IL1RAPL2: variants seen among roughly 807,000 people sequenced by gnomAD.
IL1RAPL2 encodes interleukin 1 receptor accessory protein like 2, also known as X-linked interleukin-1 receptor accessory protein-like 2.
IL1RAPL2 carries 3 observed loss-of-function variants against 44.1 expected under a neutral mutation model. That is an observed-to-expected ratio of 0.07 (90% CI 0.03 to 0.18). The LOEUF (loss-of-function observed/expected upper bound fraction) is 0.18, where lower values mean the gene tolerates loss of function less well. Ranked by LOEUF, IL1RAPL2 falls within the 10% of genes least tolerant of loss-of-function variation. The probability of loss-of-function intolerance (pLI) is 1.00; values close to 1 mark genes in which losing one functional copy is unlikely to be tolerated. For missense variants in IL1RAPL2, 391 were observed against 496.4 expected (o/e 0.79, Z 2.02); for synonymous variants, 181 against 178.8 (o/e 1.01, Z -0.10).
At chrX:104,737,618 C>A (rs146498924) in intron 2 of IL1RAPL2, among the ~76,000 whole-genome samples, 1 of 111,676 alleles carries the variant, frequency 9.0e-6, no homozygotes, top group Non-Finnish European at 1.9e-5. Context: ...CAGTTACTGC[C>A]CATGTTGCTC....
At chrX:105,462,878 G>A (rs931273833) in intron 5 of IL1RAPL2, among the ~76,000 whole-genome samples, 8 of 110,417 alleles carry the variant, frequency 7.2e-5, no homozygotes, top group Non-Finnish European at 1.3e-4. Flanking sequence ...CTCATCTTTG[G>A]TTCAAATCCC....
At chrX:105,590,424 G>A (rs2037160138) in intron 6 of IL1RAPL2, among the ~76,000 whole-genome samples, 2 of 110,810 alleles carry the variant, frequency 1.8e-5, no homozygotes, top group South Asian at 3.8e-4. Context: ...TGAGTGCTTA[G>A]AGAGGGCATC....
intron 9 of IL1RAPL2, among the ~76,000 whole-genome samples, chrX:105,753,476 G>T (rs1462118615): frequency 9.0e-6 from 1 of 111,384 alleles, no homozygotes; most frequent in Non-Finnish European, 1.9e-5. Context: ...TTCCAGCTGT[G>T]TATCATCGGC....
In IL1RAPL2 at chrX:105,075,357, T is replaced by A. The variant is rs186974963; in HGVS notation, c.83-120118T>A. 1.1e-3 allele frequency among the ~76,000 whole-genome samples: 128 copies of A among 111,935 alleles called. 2 individuals are homozygous for A. Among genetic ancestry groups the A allele is most frequent in the African/African-American group, 4.0e-3 (123 of 30,784 alleles). ...GCTGGATTATGTTTATTGTTTTGCA[T>A]ATGTTGAACCAGCCTTGCATCCCAG... On this transcript the variant is annotated intron_variant, in intron 2 of 10. Coordinates refer to ENST00000372582, the MANE Select transcript of IL1RAPL2 (RefSeq NM_017416.2).
chrX:105,606,749 A>G (rs1488621218), intron 6 of IL1RAPL2, among the ~76,000 whole-genome samples: 1 of 111,697 alleles, frequency 9.0e-6, no homozygotes. Flanking sequence ...TTGCGGCTAC[A>G]TGGATGTAAC....
chrX:105,246,146 T>C (rs1335822574), intron 4 of IL1RAPL2, among the ~76,000 whole-genome samples: 1 of 112,317 alleles, frequency 8.9e-6, no homozygotes. Context: ...ACTACATCAA[T>C]TGAAATATCT....
chrX:105,487,201 T>A (rs746464451), intron 6 of IL1RAPL2, among the ~76,000 whole-genome samples: 4 of 111,209 alleles, frequency 3.6e-5, no homozygotes, highest in Admixed American at 2.9e-4. Flanking sequence ...TCCTCTGCTA[T>A]TAGGCACACA....
At chrX:105,644,239 G>A (rs2037589533) in intron 6 of IL1RAPL2, among the ~76,000 whole-genome samples, 1 of 111,137 alleles carries the variant, frequency 9.0e-6, no homozygotes, top group Non-Finnish European at 1.9e-5. Flanking sequence ...TTGGGTTTTG[G>A]TGTTTATTTT....
intron 2 of IL1RAPL2, among the ~76,000 whole-genome samples, chrX:104,789,408 G>A (rs751340922): frequency 6.3e-5 from 7 of 111,568 alleles, no homozygotes; most frequent in Admixed American, 9.5e-5. Context: ...GTTTTCTGTG[G>A]AAATATAAAT....
rs377213306 is a variant in IL1RAPL2 at position 104,862,607 on chromosome X, A to C, written c.82+203612A>C. 6.3e-5 allele frequency among the ~76,000 whole-genome samples: 7 copies of C among 111,645 alleles called. No individual in the cohort carries two copies. The East Asian group carries it at 2.0e-3, about 32-fold the overall frequency. On this transcript the variant is annotated intron_variant, in intron 2 of 10. Coordinates refer to ENST00000372582, the MANE Select transcript of IL1RAPL2 (RefSeq NM_017416.2). Reference sequence around the variant, plus strand: ...CACTGATCTCAGATTTCTATCCTCCAGAGCTATGAGAAAATAATTTTCTGT... The same window carrying C: ...CACTGATCTCAGATTTCTATCCTCCCGAGCTATGAGAAAATAATTTTCTGT...
chrX:104,605,905 T>C (rs960873388), intron 1 of IL1RAPL2, among the ~76,000 whole-genome samples: 8 of 111,999 alleles, frequency 7.1e-5, no homozygotes, highest in African/African-American at 2.3e-4. Flanking sequence ...AGGAAGCTGA[T>C]ACCATTCCTT....
intron 6 of IL1RAPL2, among the ~76,000 whole-genome samples, chrX:105,517,419 C>T (rs2036522541): frequency 1.8e-5 from 2 of 111,303 alleles, no homozygotes; most frequent in Admixed American, 1.9e-4. Flanking sequence ...CTCAGAACCT[C>T]CCAAAATCTC....
intron 10 of IL1RAPL2, among the ~76,000 whole-genome samples, chrX:105,759,194 A>T (rs1201923658): frequency 8.9e-6 from 1 of 112,520 alleles, no homozygotes; most frequent in Non-Finnish European, 1.9e-5. Flanking sequence ...CACTGGTCAG[A>T]TGGAGAAAAT....
At chrX:105,331,486 A>T (rs1367501248) in intron 5 of IL1RAPL2, among the ~76,000 whole-genome samples, 1 of 111,598 alleles carries the variant, frequency 9.0e-6, no homozygotes, top group African/African-American at 3.3e-5. Context: ...ATTTAAACCA[A>T]AGTAACCAAA....
chrX:105,677,933 T>G (rs746628654), intron 6 of IL1RAPL2, among the ~76,000 whole-genome samples: 2 of 112,139 alleles, frequency 1.8e-5, no homozygotes, highest in Non-Finnish European at 3.8e-5. Context: ...GAGAAGAACA[T>G]TTCCTGAGAA....
intron 6 of IL1RAPL2, among the ~76,000 whole-genome samples, chrX:105,625,898 A>G (rs1230514796): frequency 8.9e-6 from 1 of 112,105 alleles, no homozygotes; most frequent in Non-Finnish European, 1.9e-5. Context: ...ATTCATTTAA[A>G]TATTCTCCAC....
intron 2 of IL1RAPL2, among the ~76,000 whole-genome samples, chrX:104,905,400 A>T (rs1306457310): frequency 1.8e-5 from 2 of 111,348 alleles, no homozygotes; most frequent in African/African-American, 6.5e-5. Context: ...CTGAATGGTA[A>T]TGCCTAGGTT....
At chrX:104,915,460 A>G (rs1227273070) in intron 2 of IL1RAPL2, among the ~76,000 whole-genome samples, 1 of 111,221 alleles carries the variant, frequency 9.0e-6, no homozygotes, top group East Asian at 2.8e-4. Context: ...TAGATTCTAG[A>G]TATTAGCCCT....
chrX:104,732,454 A>G (rs1302056765), intron 2 of IL1RAPL2, among the ~76,000 whole-genome samples: 1 of 112,157 alleles, frequency 8.9e-6, no homozygotes, highest in African/African-American at 3.2e-5. Flanking sequence ...TACTGTAGAT[A>G]CAGTCAAATT....
Sources: gnomAD v4.1 joint callset for allele counts (sites outside exome capture counted in the v4.1 genomes callset) on GRCh38, gnomAD v4.1.1 for gene constraint, MANE v1.5 for transcripts, NCBI Gene and HGNC (gene_info 2026-07-23, HGNC 2026-07-21) for gene names.